Variants in CHD7 observed in about 807,000 individuals in gnomAD.
The protein encoded by CHD7 is ATP-dependent chromatin remodeler CHD7.
Under a neutral mutation model 307.3 loss-of-function variants are expected in CHD7, and 24 were observed. That is an observed-to-expected ratio of 0.08 (90% CI 0.06 to 0.11). The LOEUF (loss-of-function observed/expected upper bound fraction) is 0.11. Among genes scored for constraint, CHD7 ranks in the 10% least tolerant of loss-of-function variants. The pLI is 1.00. For missense variants in CHD7, 3,106 were observed against 3,727.1 expected (o/e 0.83, Z 4.34); for synonymous variants, 1,363 against 1,349.9 (o/e 1.01, Z -0.21).
At chr8:60,838,337 C>G (rs1241839340) in intron 19 of CHD7, 82 bp downstream of exon 19, 25 of 1,247,480 alleles carry the variant, frequency 2.0e-5, no homozygotes, top group Non-Finnish European at 2.7e-5. Flanking sequence ...AAAGTGCTTA[C>G]AAGATGCATT....
intron 1 of CHD7, among the ~76,000 whole-genome samples, chr8:60,712,845 T>C (rs1331838104): frequency 6.6e-6 from 1 of 151,604 alleles, no homozygotes; most frequent in Non-Finnish European, 1.5e-5. Flanking sequence ...AGGTCAGGAG[T>C]TCGAGACCAG....
At chr8:60,698,076 T>A (rs1435389722) in intron 1 of CHD7, among the ~76,000 whole-genome samples, 5 of 152,222 alleles carry the variant, frequency 3.3e-5, no homozygotes, top group African/African-American at 1.2e-4. Context: ...AAACTCACAG[T>A]AAAACAAGAA....
intron 2 of CHD7, among the ~76,000 whole-genome samples, chr8:60,765,605 C>T (rs1810435494): frequency 1.3e-5 from 2 of 152,214 alleles, no homozygotes; most frequent in Admixed American, 1.3e-4. Context: ...AATCCACAAG[C>T]ACTAAATTGG....
Position 60,854,493 on chromosome 8 carries a change from A to G in CHD7, c.6906A>G (p.Glu2302=), listed in dbSNP as rs1805617466. 1 of 1,606,650 alleles carries G rather than the reference A, an allele frequency of 6.2e-7. No individual in the cohort carries two copies. Among genetic ancestry groups the G allele is most frequent in the Non-Finnish European group, 8.5e-7 (1 of 1,174,936 alleles). Residue 2302 remains glutamate (E), a synonymous_variant, in exon 32 of 38, where the codon GAA becomes GAG. Coordinates refer to ENST00000423902, the MANE Select transcript of CHD7 (RefSeq NM_017780.4). ...GDPSVAQLLH[E]RTFAFSFWPK... ...CTTCAGTAGCTCAGCTCCTTCATGA[A>G]AGAACATTTGCCTTCTCGTTTTGGC...
intron 18 of CHD7, 71 bp downstream of exon 18, chr8:60,837,906 TA>T: frequency 7.0e-7 from 1 of 1,419,892 alleles, no homozygotes; most frequent in Non-Finnish European, 9.6e-7. Flanking sequence ...AGTAAGAAAT[TA>T]CTCAGCCTTT....
intron 2 of CHD7, 36 bp downstream of exon 2, chr8:60,743,133 G>GA: frequency 6.4e-7 from 1 of 1,551,362 alleles, no homozygotes; most frequent in East Asian, 2.3e-5. Flanking sequence ...GCATTGCAGT[G>GA]TGAAATTCAA....
chr8:60,747,558 T>C (rs912311782), intron 2 of CHD7, among the ~76,000 whole-genome samples: 3 of 152,254 alleles, frequency 2.0e-5, no homozygotes, highest in Non-Finnish European at 2.9e-5. Context: ...GATTTTCACA[T>C]CTGCTTCTGA....
chr8:60,706,092 TGA>T (rs1438443941), intron 1 of CHD7, among the ~76,000 whole-genome samples: 3 of 152,142 alleles, frequency 2.0e-5, no homozygotes, highest in African/African-American at 7.2e-5. Context: ...TTAATGGTCC[TGA>T]GCTATGCAGT....
Position 60,808,317 on chromosome 8 carries a change from CA to C in CHD7, c.2498+47del, listed in dbSNP as rs751261974. On this transcript the variant is annotated intron_variant, in intron 7 of 37. Transcript: ENST00000423902. Reference sequence around the variant, plus strand: ...GTTTTTAATGGGGGGCTATATTTTCCAAGTAGTAAACGACCATTTTTTTTTA... The same window carrying C: ...GTTTTTAATGGGGGGCTATATTTTCCAGTAGTAAACGACCATTTTTTTTTA... 2.6e-6 allele frequency: 3 copies of C among 1,150,792 alleles called. No homozygotes were observed. The South Asian group carries it at 4.2e-5, about 16-fold the overall frequency. 71.3% of individuals were successfully genotyped at this position (1,150,792 alleles called of 1,614,324 possible). A position where few individuals can be genotyped will look rare whatever the true frequency, so the allele number is the denominator to read the frequency against.
intron 2 of CHD7, among the ~76,000 whole-genome samples, chr8:60,764,703 A>G (rs1025727745): frequency 2.0e-5 from 3 of 152,168 alleles, no homozygotes; most frequent in Non-Finnish European, 4.4e-5. Flanking sequence ...TCCTGAAGGT[A>G]TTCTCCCCTT....
chr8:60,850,373 A>G, intron 25 of CHD7, 120 bp from the exon 26 acceptor site: 1 of 1,253,438 alleles, frequency 8.0e-7, no homozygotes, highest in Non-Finnish European at 1.1e-6. Context: ...CTTGGATTCA[A>G]CAGAGATGCT....
At chr8:60,753,393 G>A (rs1267034173) in intron 2 of CHD7, among the ~76,000 whole-genome samples, 1 of 152,108 alleles carries the variant, frequency 6.6e-6, no homozygotes, top group Non-Finnish European at 1.5e-5. Flanking sequence ...TTAGATCAAA[G>A]AAGGAAATAA....
At chr8:60,757,353 A>T (rs888732696) in intron 2 of CHD7, among the ~76,000 whole-genome samples, 1 of 152,240 alleles carries the variant, frequency 6.6e-6, no homozygotes, top group South Asian at 2.1e-4. Context: ...CAATTCTAGA[A>T]TCATAATTGG....
At chr8:60,751,924 G>A (rs569121742) in intron 2 of CHD7, among the ~76,000 whole-genome samples, 77 of 152,324 alleles carry the variant, frequency 5.1e-4, no homozygotes, top group African/African-American at 1.7e-3. Flanking sequence ...TTTCCAGGAC[G>A]ATGGGAGTGA....
intron 7 of CHD7, among the ~76,000 whole-genome samples, chr8:60,814,558 G>A (rs563173991): frequency 3.9e-5 from 6 of 152,222 alleles, no homozygotes; most frequent in South Asian, 2.1e-4. Context: ...CAATTCTCCC[G>A]CCTCAGCCTC....
At chr8:60,721,834 A>G (rs1586215087) in intron 1 of CHD7, among the ~76,000 whole-genome samples, 1 of 152,208 alleles carries the variant, frequency 6.6e-6, no homozygotes, top group East Asian at 1.9e-4. Context: ...GAAGTTGTTT[A>G]AACTCAGAGC....
chr8:60,760,874 C>T (rs940553415), intron 2 of CHD7, among the ~76,000 whole-genome samples: 32 of 152,180 alleles, frequency 2.1e-4, no homozygotes, highest in Admixed American at 3.9e-4. Context: ...GAAATAGGAA[C>T]ACTTTTACAC....
intron 1 of CHD7, among the ~76,000 whole-genome samples, chr8:60,710,234 C>CTT (rs35355868): frequency 1.0e-3 from 142 of 141,936 alleles, no homozygotes; most frequent in Admixed American, 1.7e-3. Flanking sequence ...GAAATGAAAA[C>CTT]TTTTTTTTTT....
intron 1 of CHD7, among the ~76,000 whole-genome samples, chr8:60,681,864 G>A (rs1284789885): frequency 1.3e-5 from 2 of 152,128 alleles, no homozygotes; most frequent in South Asian, 4.1e-4. Context: ...ATGCTTTCGC[G>A]ATTGAAATGA....
Sources: allele counts gnomAD v4.1 joint callset (sites outside exome capture counted in the v4.1 genomes callset), GRCh38; gene constraint gnomAD v4.1.1; transcripts MANE v1.5; gene names NCBI Gene and HGNC (gene_info 2026-07-23, HGNC 2026-07-21).